Variants in NSMCE4A observed in about 807,000 individuals in gnomAD.
The protein encoded by NSMCE4A is NSE4A component of SMC5/6 complex.
A neutral mutation model predicts 47.9 loss-of-function variants in NSMCE4A; 40 were observed. The observed-to-expected ratio is 0.83, with a 90% CI of 0.65 to 1.09. The LOEUF (loss-of-function observed/expected upper bound fraction) is 1.09. Among genes scored for constraint, NSMCE4A ranks in the 50% least tolerant of loss-of-function variants. The pLI, the probability that NSMCE4A is intolerant of heterozygous loss-of-function variation, is 0.00. For synonymous variants in NSMCE4A, 166 were observed against 178.5 expected (o/e 0.93, Z 0.56); for missense variants, 500 against 507.0 (o/e 0.99, Z 0.13).
chr10:121,966,181 A>C (rs1371867637), intron 4 of NSMCE4A: 1 of 152,232 alleles, frequency 6.6e-6, no homozygotes, highest in African/African-American at 2.4e-5. Context: ...TTGGGCAGAG[A>C]TATCTACCCA....
At chr10:121,971,135 C>T in intron 2 of NSMCE4A, 66 bp from the exon 3 acceptor site, 2 of 1,333,280 alleles carry the variant, frequency 1.5e-6, no homozygotes, top group Non-Finnish European at 2.0e-6. Flanking sequence ...TTTTTCCCTA[C>T]ATTTCCAACT....
chr10:121,969,501 T>TAA (rs35005382), intron 3 of NSMCE4A, among the ~76,000 whole-genome samples: 103 of 138,200 alleles, frequency 7.5e-4, no homozygotes, highest in Admixed American at 4.2e-3. Context: ...AAAAAAAAGT[T>TAA]AAAAAAAAAA....
In NSMCE4A at chr10:121,959,409, T is replaced by C. The variant is rs1332371078; in HGVS notation, c.1085A>G (p.Glu362Gly). The change falls in exon 10 of 11, where the codon GAG (glutamate) becomes GGG (glycine). Residue 362 changes from glutamate to glycine, a missense_variant and splice_region_variant. Glu to Gly is a moderately conservative substitution (Grantham distance 98). Transcript: ENST00000369023. ...IIALSYRDWEEIVKTFEISEP... is the reference protein window; with the variant it reads ...IIALSYRDWEGIVKTFEISEP... ...TGAAATCTCAAAGGTCTTCACAATC[T>C]CCTGGCAGACAATAATGAACATTTA... The C allele has an allele frequency of 6.2e-7, 1 of 1,614,154 alleles. No homozygotes were observed. The highest frequency in any genetic ancestry group is 1.7e-5 in the Admixed American group (1 of 60,006).
At chr10:121,970,874 C>A in intron 3 of NSMCE4A, 65 bp downstream of exon 3, 2 of 1,374,412 alleles carry the variant, frequency 1.5e-6, no homozygotes, top group Non-Finnish European at 2.0e-6. Flanking sequence ...TGGATATGAG[C>A]ACAGTAAATA....
chr10:121,968,009 A>G (rs972845301), intron 3 of NSMCE4A, among the ~76,000 whole-genome samples: 1 of 152,224 alleles, frequency 6.6e-6, no homozygotes, highest in African/African-American at 2.4e-5. Context: ...TTTGGCAGAA[A>G]ACATTCCTCA....
intron 2 of NSMCE4A, among the ~76,000 whole-genome samples, chr10:121,971,356 A>C (rs537188651): frequency 3.6e-4 from 55 of 152,146 alleles, no homozygotes; most frequent in African/African-American, 1.3e-3. Context: ...TAAAAATACA[A>C]AAAATTAGCA....
At chr10:121,966,321 G>A (rs1200911837) in intron 4 of NSMCE4A, 1 of 152,140 alleles carries the variant, frequency 6.6e-6, no homozygotes, top group African/African-American at 2.4e-5. Flanking sequence ...AAGATGAAAA[G>A]GAATTGGAGG....
At position 121,971,057 on chromosome 10, in the gene NSMCE4A, C is replaced by G. The variant is rs552826222; in HGVS notation, c.383G>C (p.Arg128Thr). The change falls in exon 3 of 11, where the codon AGA becomes ACA. Residue 128 changes from arginine to threonine, a missense_variant. Arg to Thr is a moderately conservative substitution (Grantham distance 71). Coordinates refer to ENST00000369023, the MANE Select transcript of NSMCE4A (RefSeq NM_017615.3). ...AAAGTGGGCATCCAGGACTGCTTCT[C>G]TTGCTCGGGACACTATTCAAAAAAG... is the stretch of plus-strand genomic sequence containing the variant. ...NTLFNEVSRA[R>T]EAVLDAHFLV... 1.9e-6 allele frequency: 3 copies of G among 1,612,826 alleles called. No homozygotes were observed. Among genetic ancestry groups the G allele is most frequent in the South Asian group, 1.1e-5 (1 of 90,792 alleles).
In NSMCE4A at chr10:121,960,356, A is replaced by T; in HGVS notation, c.988+2T>A. 1 of 1,487,186 alleles carries T rather than the reference A, an allele frequency of 6.7e-7. No homozygotes were observed. Among genetic ancestry groups the T allele is most frequent in the Non-Finnish European group, 8.9e-7 (1 of 1,127,240 alleles). The allele number at this position is 1,487,186 out of a possible 1,614,324, so 92.1% of individuals were successfully genotyped here. On this transcript the variant is annotated splice_donor_variant, in intron 8 of 10. Transcript: ENST00000369023. LOFTEE classifies it high-confidence loss of function. The surrounding 1 kb of genome is among the most constrained non-coding windows in gnomAD (Gnocchi z 4.2). ...AATTTTTCCAAACATAGTATCATTT[A>T]CCTATTACTGGCAGTCGGTCTTGGT... is the stretch of plus-strand genomic sequence containing the variant.
At chr10:121,974,307 T>C in intron 1 of NSMCE4A, 1 of 1,344,858 alleles carries the variant, frequency 7.4e-7, no homozygotes, top group Non-Finnish European at 9.6e-7. Context: ...CCCTCTAACC[T>C]TAACCCAAAG....
At chr10:121,970,458 C>T (rs548292105) in intron 3 of NSMCE4A, among the ~76,000 whole-genome samples, 24 of 126,924 alleles carry the variant, frequency 1.9e-4, no homozygotes, top group African/African-American at 7.1e-4. Flanking sequence ...GGCGACAGAG[C>T]GAGACTCTGT....
At chr10:121,970,914 T>A in intron 3 of NSMCE4A, 25 bp downstream of exon 3, 1 of 1,570,156 alleles carries the variant, frequency 6.4e-7, no homozygotes, top group African/African-American at 1.4e-5. Context: ...CATTTTTTAT[T>A]CAGAGTCTGT....
intron 3 of NSMCE4A, among the ~76,000 whole-genome samples, 156 bp downstream of exon 3, chr10:121,970,783 C>CT (rs1441600700): frequency 7.2e-5 from 11 of 152,176 alleles, no homozygotes; most frequent in African/African-American, 4.8e-5. Context: ...CATGGTTCTA[C>CT]TTTCGTCTGT....
chr10:121,971,163 A>G, intron 2 of NSMCE4A, 94 bp from the exon 3 acceptor site: 1 of 976,496 alleles, frequency 1.0e-6, no homozygotes, highest in South Asian at 2.2e-5. Flanking sequence ...AGGATTTCCC[A>G]CTGGACTAAA....
chr10:121,965,358 A>G lies in NSMCE4A; in HGVS notation c.681T>C (p.Pro227=), dbSNP rs1952587704. 1.2e-6 allele frequency: 2 copies of G among 1,614,006 alleles called. No individual in the cohort carries two copies. Among genetic ancestry groups the G allele is most frequent in the East Asian group, 2.2e-5 (1 of 44,886 alleles). ...GACGATCAACTCGTGGCTTTGGCAC[A>G]GGGCACTCTCCGTATATTGAACCCA... The part of the protein sequence containing the change: ...FLLGSIYGEC[P]VPKPRVDRPR... The change falls in exon 5 of 11, where the codon CCT becomes CCC. Residue 227 remains proline (P), a synonymous_variant. Transcript: ENST00000369023.
At position 121,974,995 on chromosome 10, in the gene NSMCE4A, G is replaced by T; in HGVS notation, c.171C>A (p.Asp57Glu). Residue 57 changes from aspartate to glutamate, a missense_variant, in exon 1 of 11, where the codon GAC becomes GAA. Physicochemically the swap from Asp to Glu is conservative, Grantham distance 45. Transcript: ENST00000369023. Reference protein sequence around the residue: ...REAPERPSLEDTEPSDSGDEM... With the variant: ...REAPERPSLEETEPSDSGDEM... Reference sequence around the variant, plus strand: ...CGTCCCCGGAATCCGACGGCTCTGTGTCCTCCAGGCTCGGGCGCTCTGGGG... The same window carrying T: ...CGTCCCCGGAATCCGACGGCTCTGTTTCCTCCAGGCTCGGGCGCTCTGGGG... 1 of 1,517,666 alleles carries T rather than the reference G, an allele frequency of 6.6e-7. No individual in the cohort carries two copies. The allele number at this position is 1,517,666 out of a possible 1,614,324, so 94.0% of individuals were successfully genotyped here.
Position 121,967,699 on chromosome 10 carries a change from T to A in NSMCE4A, c.609A>T (p.Arg203Ser). 9.9e-6 allele frequency: 16 copies of A among 1,613,962 alleles called. No homozygotes were observed. Among genetic ancestry groups the A allele is most frequent in the Non-Finnish European group, 1.3e-5 (15 of 1,180,014 alleles). The change falls in exon 4 of 11, where the codon AGA becomes AGT. Residue 203 changes from arginine to serine, a missense_variant. By Grantham distance (110) the Arg-to-Ser change is moderately radical. Transcript: ENST00000369023. ...TTTTATTAAAGGTGTTTTCTGCTGT[T>A]CTGCCTGTTATCTTCCAGGAGTCAT... ...IVYDSWKITGRTAENTFNKTH... is the reference protein window; with the variant it reads ...IVYDSWKITGSTAENTFNKTH...
chr10:121,973,998 A>G lies in NSMCE4A; in HGVS notation c.370+6T>C. 1 of 1,569,918 alleles carries G rather than the reference A, an allele frequency of 6.4e-7. No homozygotes were observed. On this transcript the variant is annotated splice_donor_region_variant and intron_variant, in intron 2 of 10. Coordinates refer to ENST00000369023, the MANE Select transcript of NSMCE4A (RefSeq NM_017615.3). ...ACACGAAATAACATATAAAATAACAAATTACCTTCATTAAACAGAGTGTTA... is the reference window on the plus strand; with the variant it reads ...ACACGAAATAACATATAAAATAACAGATTACCTTCATTAAACAGAGTGTTA...
At chr10:121,967,258 G>A (rs776677358) in intron 4 of NSMCE4A, 4 of 159,710 alleles carry the variant, frequency 2.5e-5, no homozygotes, top group East Asian at 3.6e-4. Context: ...GTGCAATGGC[G>A]CAATCTCAGC....
Sources: allele counts gnomAD v4.1 joint callset (sites outside exome capture counted in the v4.1 genomes callset), GRCh38; gene constraint gnomAD v4.1.1; non-coding constraint Gnocchi (gnomAD v3.1); transcripts MANE v1.5; gene names NCBI Gene and HGNC (gene_info 2026-07-23, HGNC 2026-07-21).